Variants in ESRRG observed in about 807,000 individuals in gnomAD.
ESRRG encodes estrogen-related receptor gamma.
In ESRRG, 13 loss-of-function variants were observed where a neutral mutation model predicts 44.0. The observed-to-expected ratio is 0.30, with a 90% CI of 0.19 to 0.47. The LOEUF is 0.47. ESRRG is among the 20% of genes least tolerant of loss of function. ESRRG has a pLI of 1.00. For synonymous variants in ESRRG, 215 were observed against 214.6 expected, an observed-to-expected ratio of 1.00 and a Z score of -0.02; for missense variants, 395 against 580.6, an observed-to-expected ratio of 0.68 and a Z score of 3.29.
intron 1 of ESRRG, among the ~76,000 whole-genome samples, chr1:216,707,136 T>C (rs1224164787): frequency 6.6e-6 from 1 of 152,216 alleles, no homozygotes; most frequent in African/African-American, 2.4e-5. Flanking sequence ...AACCTTTCCC[T>C]CAAAGTCAAA....
chr1:216,836,293 GTTA>G (rs1017168234), intron 2 of ESRRG, among the ~76,000 whole-genome samples: 1 of 152,056 alleles, frequency 6.6e-6, no homozygotes, highest in African/African-American at 2.4e-5. Context: ...TTTCCTTTCT[GTTA>G]TTATACCCAC....
chr1:216,894,496 G>A (rs149270944), intron 2 of ESRRG, among the ~76,000 whole-genome samples: 13 of 152,234 alleles, frequency 8.5e-5, no homozygotes, highest in African/African-American at 3.1e-4. Context: ...CTTGGGTAGA[G>A]TAGCTGTGTT....
At chr1:216,771,707 C>G (rs2093388386) in intron 2 of ESRRG, among the ~76,000 whole-genome samples, 1 of 151,924 alleles carries the variant, frequency 6.6e-6, no homozygotes, top group Admixed American at 6.6e-5. Flanking sequence ...CAATGTGGAA[C>G]AGCACTGCTG....
chr1:216,979,153 C>T (rs1043004483), intron 1 of ESRRG, among the ~76,000 whole-genome samples: 1 of 152,128 alleles, frequency 6.6e-6, no homozygotes, highest in African/African-American at 2.4e-5. Flanking sequence ...TCTCTAAACC[C>T]CTACCCTTCC....
intron 2 of ESRRG, among the ~76,000 whole-genome samples, chr1:216,846,794 A>G (rs61307714): frequency 0.034 from 5,106 of 152,146 alleles, 299 homozygotes; most frequent in African/African-American, 0.11. Context: ...AAAAAGGAGG[A>G]AAACTGAGGC....
chr1:216,945,166 C>A (rs1176102936), intron 1 of ESRRG, among the ~76,000 whole-genome samples: 6 of 152,062 alleles, frequency 3.9e-5, no homozygotes, highest in Non-Finnish European at 8.8e-5. Context: ...GCACCCTCTG[C>A]TCTCAACCAA....
chr1:216,869,967 C>A lies in ESRRG; in HGVS notation c.-14+69615G>T, dbSNP rs1407291091. ...TTGGAATTTTCTTGGGATTTTCTACCTAGAAAATCAAGTCGCCTGTGTTTT... is the reference window on the plus strand; with the variant it reads ...TTGGAATTTTCTTGGGATTTTCTACATAGAAAATCAAGTCGCCTGTGTTTT... On this transcript the variant is annotated intron_variant, in intron 2 of 7. Coordinates refer to the ESRRG transcript ENST00000359162. 2.0e-5 allele frequency among the ~76,000 whole-genome samples: 3 copies of A among 151,930 alleles called. No individual in the cohort carries two copies. In the East Asian group the frequency reaches 5.8e-4, roughly 29 times the overall value.
At chr1:216,774,990 G>A (rs917590746) in intron 2 of ESRRG, among the ~76,000 whole-genome samples, 2 of 149,704 alleles carry the variant, frequency 1.3e-5, no homozygotes, top group African/African-American at 2.5e-5. Context: ...TTAATTTTTA[G>A]TAGAAACAAG....
At position 216,848,046 on chromosome 1, in the gene ESRRG, G is replaced by A. The variant is rs752200169; in HGVS notation, c.-14+91536C>T. Reference sequence around the variant, plus strand: ...TGGGAGGCTGTCCTGTGCATTGTAGGATGTTTAGCAGCATCCATGGTTTTT... The same window carrying A: ...TGGGAGGCTGTCCTGTGCATTGTAGAATGTTTAGCAGCATCCATGGTTTTT... On this transcript the variant is annotated intron_variant, in intron 2 of 7. Coordinates refer to the ESRRG transcript ENST00000359162. 4.8e-4 allele frequency among the ~76,000 whole-genome samples: 73 copies of A among 152,224 alleles called. 1 individual carries two copies. Among genetic ancestry groups the A allele is most frequent in the Middle Eastern group, 6.8e-3 (2 of 294 alleles).
At chr1:216,959,408 G>T (rs1004552072) in intron 1 of ESRRG, among the ~76,000 whole-genome samples, 1 of 151,978 alleles carries the variant, frequency 6.6e-6, no homozygotes, top group Non-Finnish European at 1.5e-5. Flanking sequence ...TTTAAGAAAT[G>T]AGGCCAGGAA....
In ESRRG at chr1:216,599,700, A is replaced by G. The variant is rs575729144; in HGVS notation, c.590-31602T>C. Among the ~76,000 whole-genome samples the G allele has an allele frequency of 1.5e-3, 230 of 152,260 alleles. 1 individual carries two copies. Among genetic ancestry groups the G allele is most frequent in the African/African-American group, 5.3e-3 (222 of 41,562 alleles). On this transcript the variant is annotated intron_variant, in intron 3 of 6. Coordinates refer to ENST00000408911, the MANE Select transcript of ESRRG (RefSeq NM_001438.4). ...AAAGCCAAAGAAAAAAAAATTGACC[A>G]TTTCCAGTTAACAAATGATCCTTTC... is the stretch of plus-strand genomic sequence containing the variant.
chr1:217,097,994 A>G (rs2092449037), intron 1 of ESRRG, among the ~76,000 whole-genome samples: 1 of 152,200 alleles, frequency 6.6e-6, no homozygotes, highest in Admixed American at 6.5e-5. Flanking sequence ...GAGGGTGGGA[A>G]CCAGGCAATA....
intron 5 of ESRRG, among the ~76,000 whole-genome samples, chr1:216,524,189 C>T (rs552286484): frequency 2.8e-5 from 4 of 142,454 alleles, no homozygotes; most frequent in East Asian, 2.0e-4. Context: ...TCACAAAATA[C>T]ACAGCTCAGG....
At chr1:216,675,366 G>T (rs1173375477) in intron 2 of ESRRG, among the ~76,000 whole-genome samples, 5 of 142,968 alleles carry the variant, frequency 3.5e-5, no homozygotes, top group Admixed American at 1.4e-4. Context: ...GCCTCAAAAA[G>T]AAAAAAAAAA....
At chr1:217,024,880 G>T (rs2080940448) in intron 1 of ESRRG, among the ~76,000 whole-genome samples, 1 of 152,194 alleles carries the variant, frequency 6.6e-6, no homozygotes, top group African/African-American at 2.4e-5. Flanking sequence ...TAGGTGACTT[G>T]CTCCAGATTA....
intron 5 of ESRRG, among the ~76,000 whole-genome samples, chr1:216,543,961 G>A (rs1366845151): frequency 2.0e-5 from 3 of 152,020 alleles, no homozygotes; most frequent in Non-Finnish European, 2.9e-5. Flanking sequence ...GTTGTAAAAT[G>A]TGAATAGCAA....
intron 1 of ESRRG, among the ~76,000 whole-genome samples, chr1:217,113,130 C>T (rs1227998472): frequency 1.3e-5 from 2 of 152,152 alleles, no homozygotes; most frequent in Non-Finnish European, 2.9e-5. Context: ...GTTTCCTGGC[C>T]TTTCTACCAG....
chr1:216,646,874 A>G (rs2067706253), intron 3 of ESRRG, among the ~76,000 whole-genome samples: 1 of 152,168 alleles, frequency 6.6e-6, no homozygotes, highest in African/African-American at 2.4e-5. Context: ...AAAGAATATA[A>G]TGTGCGTGAA....
At chr1:217,046,699 C>CA (rs1207461048) in intron 1 of ESRRG, among the ~76,000 whole-genome samples, 2 of 152,078 alleles carry the variant, frequency 1.3e-5, no homozygotes, top group African/African-American at 4.8e-5. Flanking sequence ...GCCTGGGCAA[C>CA]ATAGTGAGAC....
Sources: gnomAD v4.1 joint callset for allele counts (sites outside exome capture counted in the v4.1 genomes callset) on GRCh38, gnomAD v4.1.1 for gene constraint, MANE v1.5 for transcripts, NCBI Gene and HGNC (gene_info 2026-07-23, HGNC 2026-07-21) for gene names.